Variants in EBF1 observed in about 807,000 individuals in gnomAD.
EBF1 encodes the protein EBF transcription factor 1.
Under a neutral mutation model 68.4 loss-of-function variants are expected in EBF1, and 10 were observed. That is an observed-to-expected ratio of 0.15 (90% confidence interval 0.09 to 0.25). The LOEUF is 0.25. EBF1 is among the 10% of genes least tolerant of loss of function. EBF1 has a pLI of 1.00. For synonymous variants in EBF1, 298 were observed against 299.8 expected, an observed-to-expected ratio of 0.99 and a Z score of 0.06; for missense variants, 509 against 794.4, an observed-to-expected ratio of 0.64 and a Z score of 4.32.
chr5:159,031,106 G>A (rs548813913), intron 6 of EBF1, among the ~76,000 whole-genome samples: 5 of 152,292 alleles, frequency 3.3e-5, no homozygotes, highest in Non-Finnish European at 5.9e-5. Context: ...CCCGCGAGGC[G>A]GAGGTTGTGG....
rs541134315 is a variant in EBF1 at position 158,883,828 on chromosome 5, A to T, written c.555-43718T>A. On this transcript the variant is annotated intron_variant, in intron 6 of 15. Transcript: ENST00000313708. ...CACTGTGTGAAGAACCAAGGAAGATACGAAGATAAAAAAGCGGTCCTTGCC... is the reference window on the plus strand; with the variant it reads ...CACTGTGTGAAGAACCAAGGAAGATTCGAAGATAAAAAAGCGGTCCTTGCC... Among the ~76,000 whole-genome samples, 8 of 152,288 alleles carry T rather than the reference A, an allele frequency of 5.3e-5. No homozygotes were observed. In the East Asian group the frequency reaches 1.5e-3, roughly 29 times the overall value.
At chr5:158,867,212 G>A (rs780079351) in intron 6 of EBF1, among the ~76,000 whole-genome samples, 10 of 152,028 alleles carry the variant, frequency 6.6e-5, no homozygotes, top group Non-Finnish European at 1.0e-4. Context: ...TTCACATTAC[G>A]CCTAGAATAC....
intron 4 of EBF1, among the ~76,000 whole-genome samples, chr5:159,086,207 ATTCTTTT>A (rs781062533): frequency 9.9e-5 from 15 of 152,144 alleles, no homozygotes; most frequent in Non-Finnish European, 2.1e-4. Context: ...AATTTGCTTT[ATTCTTTT>A]CTCTGTAGTT....
At chr5:158,933,545 G>A (rs772547842) in intron 6 of EBF1, among the ~76,000 whole-genome samples, 1 of 152,148 alleles carries the variant, frequency 6.6e-6, no homozygotes, top group Non-Finnish European at 1.5e-5. Context: ...CTCATTAAAG[G>A]GTTCACTGAT....
At chr5:158,928,733 G>A (rs1810221514) in intron 6 of EBF1, among the ~76,000 whole-genome samples, 1 of 152,124 alleles carries the variant, frequency 6.6e-6, no homozygotes, top group Non-Finnish European at 1.5e-5. Flanking sequence ...ATTGAATTAA[G>A]TTTTCATTTC....
chr5:158,770,660 G>A (rs1211325887), intron 10 of EBF1, among the ~76,000 whole-genome samples: 1 of 151,732 alleles, frequency 6.6e-6, no homozygotes, highest in Non-Finnish European at 1.5e-5. Context: ...TCCCACCCAG[G>A]GCCTTCTCAT....
At chr5:158,969,231 G>A (rs1754808437) in intron 6 of EBF1, among the ~76,000 whole-genome samples, 1 of 152,156 alleles carries the variant, frequency 6.6e-6, no homozygotes, top group African/African-American at 2.4e-5. Context: ...GAACCTGGGG[G>A]GCAGAGGTTT....
intron 6 of EBF1, among the ~76,000 whole-genome samples, chr5:158,992,026 G>A (rs1483462399): frequency 6.6e-6 from 1 of 152,198 alleles, no homozygotes; most frequent in Non-Finnish European, 1.5e-5. Flanking sequence ...GTTGAGGGGA[G>A]ATAGACTACT....
intron 6 of EBF1, among the ~76,000 whole-genome samples, chr5:159,056,485 A>G (rs1774747141): frequency 6.6e-6 from 1 of 152,196 alleles, no homozygotes; most frequent in Non-Finnish European, 1.5e-5. Flanking sequence ...CCTGCAGTTC[A>G]GCATGAGACT....
At chr5:159,061,271 G>T (rs1775757497) in intron 6 of EBF1, among the ~76,000 whole-genome samples, 1 of 152,072 alleles carries the variant, frequency 6.6e-6, no homozygotes, top group African/African-American at 2.4e-5. Flanking sequence ...CATTAAATAA[G>T]GGCTCTGTGG....
intron 6 of EBF1, among the ~76,000 whole-genome samples, chr5:158,968,481 G>A (rs1187731539): frequency 6.6e-6 from 1 of 152,204 alleles, no homozygotes; most frequent in Non-Finnish European, 1.5e-5. Flanking sequence ...GAGGTGCACT[G>A]CTAGACACAG....
At chr5:158,704,546 G>C (rs1251688218) in intron 15 of EBF1, among the ~76,000 whole-genome samples, 2 of 152,012 alleles carry the variant, frequency 1.3e-5, no homozygotes, top group Non-Finnish European at 2.9e-5. Context: ...AGGTGCTACT[G>C]TAACATTGAA....
At chr5:158,794,656 G>A (rs1049701112) in intron 9 of EBF1, among the ~76,000 whole-genome samples, 6 of 152,140 alleles carry the variant, frequency 3.9e-5, no homozygotes, top group African/African-American at 1.2e-4. Flanking sequence ...CAAGGAGTCC[G>A]TATTATATTT....
At chr5:159,035,798 C>T (rs745764375) in intron 6 of EBF1, among the ~76,000 whole-genome samples, 4 of 152,186 alleles carry the variant, frequency 2.6e-5, no homozygotes, top group Non-Finnish European at 5.9e-5. Context: ...ACAGAATTTG[C>T]CTTCCAAATT....
chr5:158,814,554 T>C (rs1783345895), intron 8 of EBF1, among the ~76,000 whole-genome samples: 1 of 152,130 alleles, frequency 6.6e-6, no homozygotes, highest in South Asian at 2.1e-4. Context: ...TGTCAAGAAA[T>C]TCATATAAGA....
chr5:159,058,534 T>C (rs2127852829), intron 6 of EBF1, among the ~76,000 whole-genome samples: 1 of 152,198 alleles, frequency 6.6e-6, no homozygotes, highest in South Asian at 2.1e-4. Context: ...AATGACAAAG[T>C]TGTGTGTGGG....
chr5:158,718,778 C>T (rs1056580885), intron 11 of EBF1, among the ~76,000 whole-genome samples: 3 of 152,106 alleles, frequency 2.0e-5, no homozygotes, highest in African/African-American at 7.2e-5. Context: ...ACCCCAGCTC[C>T]TAATATCTCT....
intron 6 of EBF1, among the ~76,000 whole-genome samples, chr5:158,973,147 C>T (rs535200966): frequency 1.3e-5 from 2 of 152,318 alleles, no homozygotes; most frequent in South Asian, 4.1e-4. Flanking sequence ...ACGTAAGCTC[C>T]ATGAGGGCAG....
intron 8 of EBF1, among the ~76,000 whole-genome samples, chr5:158,806,765 C>A (rs1050593216): frequency 7.9e-5 from 12 of 152,064 alleles, no homozygotes; most frequent in Admixed American, 2.6e-4. Context: ...GAAGTAGATG[C>A]CCCTAGGTGA....
Sources: gnomAD v4.1 joint callset for allele counts (sites outside exome capture counted in the v4.1 genomes callset) on GRCh38, gnomAD v4.1.1 for gene constraint, MANE v1.5 for transcripts, NCBI Gene and HGNC (gene_info 2026-07-23, HGNC 2026-07-21) for gene names.